DCAF8L2: variants seen among roughly 807,000 people sequenced by gnomAD.
The protein encoded by DCAF8L2 is DDB1- and CUL4-associated factor 8-like protein 2.
For missense variants in DCAF8L2, 430 were observed against 490.7 expected (o/e 0.88, Z 1.17); for synonymous variants, 200 against 190.9 (o/e 1.05, Z -0.39).
the DCAF8L2 span, among the ~76,000 whole-genome samples, chrX:27,544,237 G>A: frequency 7.2e-5 from 8 of 111,400 alleles, no homozygotes; most frequent in African/African-American, 2.0e-4. Flanking sequence ...CAGGATCCAA[G>A]CCTCCATTCT....
chrX:27,643,559 CT>C (rs1181167556), intron 2 of DCAF8L2, among the ~76,000 whole-genome samples: 1 of 111,556 alleles, frequency 9.0e-6, no homozygotes. Context: ...CCAATTAATG[CT>C]TACATACACA....
intron 2 of DCAF8L2, among the ~76,000 whole-genome samples, chrX:27,639,791 G>T (rs1425320405): frequency 2.7e-5 from 3 of 111,581 alleles, no homozygotes. Context: ...GATGTCAACT[G>T]TACTGGCATT....
chrX:27,502,397 A>G, the DCAF8L2 span, among the ~76,000 whole-genome samples: 70 of 80,586 alleles, frequency 8.7e-4, 1 homozygote, highest in African/African-American at 3.1e-3. Context: ...ATGTGCAGCA[A>G]GTCTCATGTT....
the DCAF8L2 span, among the ~76,000 whole-genome samples, chrX:27,554,431 T>G: frequency 8.9e-6 from 1 of 112,333 alleles, no homozygotes; most frequent in African/African-American, 3.2e-5. Flanking sequence ...CTGACTCATT[T>G]ACTAAGTGAC....
intron 1 of DCAF8L2, among the ~76,000 whole-genome samples, chrX:27,603,336 C>A (rs901861163): frequency 1.8e-5 from 2 of 111,270 alleles, no homozygotes; most frequent in African/African-American, 6.5e-5. Context: ...CTTAGAGTAC[C>A]CTTTTTACAC....
At chrX:27,550,600 T>C in the DCAF8L2 span, among the ~76,000 whole-genome samples, 1 of 111,334 alleles carries the variant, frequency 9.0e-6, no homozygotes, top group African/African-American at 3.3e-5. Context: ...ATAGTTACCC[T>C]ACCATGTAAT....
chrX:27,749,395 T>C lies in DCAF8L2; in HGVS notation c.*604T>C, dbSNP rs1922454140. Among the ~76,000 whole-genome samples the C allele has an allele frequency of 8.9e-6, 1 of 111,838 alleles. No homozygotes were observed. The highest frequency in any genetic ancestry group is 3.3e-5 in the African/African-American group (1 of 30,717). On this transcript the variant is annotated 3_prime_UTR_variant, in exon 5 of 5. Transcript: ENST00000451261. ...AACACTTGGCCATACGCAGACACAG[T>C]CTCAGAAAAGGAAAAGAGGAGAGGT...
the DCAF8L2 span, among the ~76,000 whole-genome samples, chrX:27,542,866 TTATAGA>T: frequency 9.0e-6 from 1 of 111,403 alleles, no homozygotes; most frequent in Non-Finnish European, 1.9e-5. Flanking sequence ...TTTAAATTCC[TTATAGA>T]TTCTGGATAC....
intron 4 of DCAF8L2, among the ~76,000 whole-genome samples, chrX:27,733,115 C>T (rs950455644): frequency 4.5e-5 from 5 of 111,135 alleles, no homozygotes; most frequent in Non-Finnish European, 9.4e-5. Flanking sequence ...CCTCGGCCTC[C>T]CAAAGTGCTG....
At chrX:27,660,655 G>A (rs1297750990) in intron 2 of DCAF8L2, among the ~76,000 whole-genome samples, 2 of 112,187 alleles carry the variant, frequency 1.8e-5, no homozygotes, top group African/African-American at 6.5e-5. Flanking sequence ...CACTGGTGAT[G>A]GAGGGATTGG....
At chrX:27,469,277 A>G in the DCAF8L2 span, among the ~76,000 whole-genome samples, 2 of 111,981 alleles carry the variant, frequency 1.8e-5, no homozygotes, top group African/African-American at 3.2e-5. Flanking sequence ...TAATTCATAG[A>G]TCTTTTCTTC....
chrX:27,601,598 G>T (rs1926644501), intron 1 of DCAF8L2, among the ~76,000 whole-genome samples: 1 of 110,483 alleles, frequency 9.1e-6, no homozygotes, highest in African/African-American at 3.3e-5. Context: ...TACTCGGGAG[G>T]CTGAGGCAGG....
At chrX:27,559,238 C>T in the DCAF8L2 span, among the ~76,000 whole-genome samples, 1 of 111,693 alleles carries the variant, frequency 9.0e-6, no homozygotes, top group Non-Finnish European at 1.9e-5. Flanking sequence ...CAATCCCACA[C>T]GACCTTTGCT....
At chrX:27,476,858 G>A in the DCAF8L2 span, among the ~76,000 whole-genome samples, 1 of 111,786 alleles carries the variant, frequency 8.9e-6, no homozygotes, top group African/African-American at 3.2e-5. Flanking sequence ...ATTTGTCTCT[G>A]TTTAATTCTG....
chrX:27,635,168 T>C (rs998416002), intron 2 of DCAF8L2, among the ~76,000 whole-genome samples: 2 of 111,705 alleles, frequency 1.8e-5, no homozygotes, highest in African/African-American at 3.3e-5. Context: ...CTGTTTAACA[T>C]TGATTTTTAA....
intron 1 of DCAF8L2, among the ~76,000 whole-genome samples, chrX:27,627,164 G>A (rs1221412704): frequency 1.8e-5 from 2 of 108,763 alleles, no homozygotes; most frequent in East Asian, 2.9e-4. Flanking sequence ...TAAGTAGTAC[G>A]AAGCTTGTGT....
chrX:27,708,174 G>C (rs1214209359), intron 3 of DCAF8L2, among the ~76,000 whole-genome samples: 1 of 111,050 alleles, frequency 9.0e-6, no homozygotes, highest in African/African-American at 3.3e-5. Flanking sequence ...CTCTCTAATA[G>C]TTACCAGTGT....
chrX:27,748,966 T>TTCCACACATTCTTTCTCTCA lies in DCAF8L2; in HGVS notation c.*177_*196dup. On this transcript the variant is annotated 3_prime_UTR_variant, in exon 5 of 5. Coordinates refer to ENST00000451261, the MANE Select transcript of DCAF8L2 (RefSeq NM_001353450.2). ...CTTCCTCTCTACTTTCCTTTCTTTC[T>TTCCACACATTCTTTCTCTCA]TCCACACATTCTTTCTCTCATTCCT... is the stretch of plus-strand genomic sequence containing the variant. 1.7e-6 allele frequency: 1 copy of TTCCACACATTCTTTCTCTCA among 578,593 alleles called. No homozygotes were observed. The highest frequency in any genetic ancestry group is 4.4e-5 in the South Asian group (1 of 22,509). The allele number at this position is 578,593 out of a possible 1,213,427, so 47.7% of individuals were successfully genotyped here.
At chrX:27,611,124 G>T (rs899541676) in intron 1 of DCAF8L2, among the ~76,000 whole-genome samples, 2 of 111,042 alleles carry the variant, frequency 1.8e-5, no homozygotes, top group Admixed American at 9.6e-5. Context: ...TGTTGATCAG[G>T]TGGGATGATC....
Sources: gnomAD v4.1 joint callset for allele counts (sites outside exome capture counted in the v4.1 genomes callset) on GRCh38, gnomAD v4.1.1 for gene constraint, MANE v1.5 for transcripts, NCBI Gene and HGNC (gene_info 2026-07-23, HGNC 2026-07-21) for gene names.